Variants in EPHA6 observed in about 807,000 individuals in gnomAD.
EPHA6 encodes the protein ephrin type-A receptor 6.
Under a neutral mutation model 112.0 loss-of-function variants are expected in EPHA6, and 50 were observed. That is an observed-to-expected ratio of 0.45 (90% CI 0.36 to 0.56). The LOEUF (loss-of-function observed/expected upper bound fraction) is 0.56. EPHA6 is among the 20% of genes least tolerant of loss of function. EPHA6 has a pLI of 0.00. For synonymous variants in EPHA6, 529 were observed against 490.7 expected (o/e 1.08, Z -1.03); for missense variants, 1,280 against 1,417.4 (o/e 0.90, Z 1.56).
intron 2 of EPHA6, among the ~76,000 whole-genome samples, chr3:96,954,696 C>T (rs1576158993): frequency 6.7e-6 from 1 of 150,076 alleles, no homozygotes; most frequent in African/African-American, 2.5e-5. Context: ...TTTAAAAATC[C>T]TTTTCTTTCC....
At chr3:96,858,485 A>G (rs991983517) in intron 1 of EPHA6, among the ~76,000 whole-genome samples, 1 of 152,142 alleles carries the variant, frequency 6.6e-6, no homozygotes, top group African/African-American at 2.4e-5. Context: ...GTCTCTTTCA[A>G]TATATTTCTG....
intron 5 of EPHA6, among the ~76,000 whole-genome samples, chr3:97,330,558 G>A (rs2082737403): frequency 6.6e-6 from 1 of 151,970 alleles, no homozygotes; most frequent in South Asian, 2.1e-4. Flanking sequence ...GGATTCCTAG[G>A]CATTTAATTC....
intron 3 of EPHA6, among the ~76,000 whole-genome samples, chr3:97,092,104 A>G (rs1453147743): frequency 2.0e-5 from 3 of 151,670 alleles, no homozygotes; most frequent in Non-Finnish European, 4.4e-5. Flanking sequence ...TTTTAAAAAA[A>G]AAAAGCAAAA....
chr3:97,209,535 T>C (rs2077808271), intron 3 of EPHA6, among the ~76,000 whole-genome samples: 1 of 152,158 alleles, frequency 6.6e-6, no homozygotes, highest in Non-Finnish European at 1.5e-5. Flanking sequence ...AAACATCAAT[T>C]TGTACTGGAT....
At chr3:97,299,183 ATG>A (rs34282025) in intron 5 of EPHA6, among the ~76,000 whole-genome samples, 12,027 of 144,066 alleles carry the variant, frequency 0.083, 570 homozygotes, top group African/African-American at 0.14. Context: ...GATGATCAGG[ATG>A]TGTGTGTGTG....
intron 11 of EPHA6, among the ~76,000 whole-genome samples, chr3:97,558,646 G>A (rs981781262): frequency 6.6e-6 from 1 of 151,936 alleles, no homozygotes; most frequent in African/African-American, 2.4e-5. Flanking sequence ...TAGAAGTAAA[G>A]CAATACTTGA....
Position 97,755,793 on chromosome 3 carries a change from C to T in EPHA6, c.*7092C>T, listed in dbSNP as rs1041598059. Reference sequence around the variant, plus strand: ...TACAAGTTTTTCCACATTTGTAGCTCATCCTTAGAACAGTCTTAATTTGGC... The same window carrying T: ...TACAAGTTTTTCCACATTTGTAGCTTATCCTTAGAACAGTCTTAATTTGGC... On this transcript the variant is annotated 3_prime_UTR_variant, in exon 18 of 18. Coordinates refer to ENST00000389672, the MANE Select transcript of EPHA6 (RefSeq NM_001080448.3). Among the ~76,000 whole-genome samples the T allele has an allele frequency of 4.2e-4, 64 of 152,002 alleles. No individual in the cohort carries two copies. Among genetic ancestry groups the T allele is most frequent in the Non-Finnish European group, 1.6e-4 (11 of 67,894 alleles).
At chr3:97,080,549 G>T (rs1001196675) in intron 3 of EPHA6, among the ~76,000 whole-genome samples, 4 of 151,968 alleles carry the variant, frequency 2.6e-5, no homozygotes, top group Admixed American at 2.0e-4. Context: ...TATAAAATGT[G>T]TAACACTTAT....
chr3:97,275,832 G>C (rs551782360), intron 5 of EPHA6, among the ~76,000 whole-genome samples: 2 of 151,976 alleles, frequency 1.3e-5, no homozygotes, highest in Admixed American at 6.6e-5. Context: ...GGGTTAAGGT[G>C]GGGGGATATG....
intron 2 of EPHA6, among the ~76,000 whole-genome samples, chr3:96,931,858 T>C (rs2040343350): frequency 6.6e-6 from 1 of 152,170 alleles, no homozygotes; most frequent in Admixed American, 6.5e-5. Context: ...ATGGACCTCT[T>C]GCCTTACCAG....
intron 3 of EPHA6, among the ~76,000 whole-genome samples, chr3:97,094,795 T>G (rs1055804202): frequency 6.6e-6 from 1 of 152,070 alleles, no homozygotes; most frequent in Non-Finnish European, 1.5e-5. Context: ...AAACAATACT[T>G]TGGGAGACAG....
intron 2 of EPHA6, among the ~76,000 whole-genome samples, chr3:96,919,219 G>A (rs879498741): frequency 5.9e-5 from 9 of 151,838 alleles, no homozygotes; most frequent in Non-Finnish European, 1.3e-4. Flanking sequence ...TTAATATCAA[G>A]AGTAATAATT....
At chr3:97,155,303 C>T (rs559855378) in intron 3 of EPHA6, among the ~76,000 whole-genome samples, 3 of 152,194 alleles carry the variant, frequency 2.0e-5, no homozygotes, top group Non-Finnish European at 2.9e-5. Flanking sequence ...GTTCTTTTGC[C>T]GTAGCTGTAC....
chr3:97,588,859 G>A (rs538752028), intron 11 of EPHA6, among the ~76,000 whole-genome samples: 101 of 152,224 alleles, frequency 6.6e-4, no homozygotes, highest in Non-Finnish European at 1.2e-3. Flanking sequence ...TTAAGCACAT[G>A]TGAAAATTTC....
At chr3:97,323,527 GTCTGTT>G (rs2082221876) in intron 5 of EPHA6, among the ~76,000 whole-genome samples, 1 of 151,734 alleles carries the variant, frequency 6.6e-6, no homozygotes, top group Non-Finnish European at 1.5e-5. Flanking sequence ...TAGTACTCAG[GTCTGTT>G]TCTAAGTCAT....
At chr3:97,300,226 A>C (rs1189971724) in intron 5 of EPHA6, among the ~76,000 whole-genome samples, 1 of 152,310 alleles carries the variant, frequency 6.6e-6, no homozygotes, top group African/African-American at 2.4e-5. Flanking sequence ...AATTGCTCAG[A>C]TCTTCAGTTG....
intron 3 of EPHA6, among the ~76,000 whole-genome samples, chr3:97,109,992 A>G (rs1223714753): frequency 2.0e-5 from 3 of 152,178 alleles, no homozygotes; most frequent in Admixed American, 6.6e-5. Context: ...AATGAAATCA[A>G]TAGAAATGAG....
At chr3:97,421,787 A>C (rs1021681750) in intron 6 of EPHA6, among the ~76,000 whole-genome samples, 11 of 152,182 alleles carry the variant, frequency 7.2e-5, no homozygotes, top group African/African-American at 2.7e-4. Context: ...ATGTATTGTA[A>C]CAGAATGTTC....
chr3:96,981,087 G>A (rs2042751405), intron 2 of EPHA6, among the ~76,000 whole-genome samples: 1 of 152,138 alleles, frequency 6.6e-6, no homozygotes, highest in African/African-American at 2.4e-5. Context: ...CCAACACTAT[G>A]TTGAATAGGA....
Sources: gnomAD v4.1 joint callset for allele counts (sites outside exome capture counted in the v4.1 genomes callset) on GRCh38, gnomAD v4.1.1 for gene constraint, MANE v1.5 for transcripts, NCBI Gene and HGNC (gene_info 2026-07-23, HGNC 2026-07-21) for gene names.